P4HA1: variants seen among roughly 807,000 people sequenced by gnomAD.
P4HA1 encodes prolyl 4-hydroxylase subunit alpha 1, also known as prolyl 4-hydroxylase subunit alpha-1.
P4HA1 carries 24 observed loss-of-function variants against 72.8 expected under a neutral mutation model. The ratio of observed to expected loss-of-function variants is 0.33; its 90% CI spans 0.24 to 0.46. P4HA1 has a LOEUF of 0.46. Ranked by LOEUF, P4HA1 falls within the 20% of genes least tolerant of loss-of-function variation. The probability of loss-of-function intolerance (pLI) is 1.00; values close to 1 mark genes in which losing one functional copy is unlikely to be tolerated. For synonymous variants in P4HA1, 201 were observed against 218.8 expected (o/e 0.92, Z 0.72); for missense variants, 446 against 640.6 (o/e 0.70, Z 3.28).
At chr10:73,067,162 C>A (rs1269940914) in intron 5 of P4HA1, among the ~76,000 whole-genome samples, 1 of 152,116 alleles carries the variant, frequency 6.6e-6, no homozygotes, top group African/African-American at 2.4e-5. Flanking sequence ...AGCCACCATG[C>A]CAGCCCTATT....
At chr10:73,013,758 T>C (rs1337324065) in intron 12 of P4HA1, among the ~76,000 whole-genome samples, 1 of 152,178 alleles carries the variant, frequency 6.6e-6, no homozygotes, top group Non-Finnish European at 1.5e-5. Flanking sequence ...TGTAATATGC[T>C]ATTTCTTCAT....
chr10:73,084,728 A>C (rs543850574), intron 1 of P4HA1, among the ~76,000 whole-genome samples: 2 of 152,356 alleles, frequency 1.3e-5, no homozygotes, highest in East Asian at 3.9e-4. Context: ...CAATCACAGG[A>C]AACAATTTTA....
chr10:73,096,287 T>A (rs1842163381), intron 1 of P4HA1, among the ~76,000 whole-genome samples: 2 of 152,130 alleles, frequency 1.3e-5, no homozygotes, highest in Non-Finnish European at 2.9e-5. Flanking sequence ...GCGCTGCGGA[T>A]CCAGCTCCAA....
At position 73,030,285 on chromosome 10, in the gene P4HA1, CTG is replaced by C; in HGVS notation, c.1232_1233del (p.Thr411SerfsTer16). 3 of 1,538,122 alleles carry C rather than the reference CTG, an allele frequency of 2.0e-6. No homozygotes were observed. The highest frequency in any genetic ancestry group is 2.7e-6 in the Non-Finnish European group (3 of 1,125,720). On this transcript the variant is annotated frameshift_variant, in exon 10 of 15. Coordinates refer to ENST00000394890, the MANE Select transcript of P4HA1 (RefSeq NM_001017962.3). LOFTEE classifies it high-confidence loss of function. ...IQDLTGLDVS[T>X]AEELQVANYG... The stretch of plus-strand genomic sequence containing the variant: ...TGATTACCTACCTGTAATTCCTCTG[CTG>C]TGGAAACATCTAGTCCTGTTAGATC...
intron 10 of P4HA1, among the ~76,000 whole-genome samples, chr10:73,022,174 A>G (rs1049184317): frequency 6.6e-6 from 1 of 152,208 alleles, no homozygotes; most frequent in Non-Finnish European, 1.5e-5. Context: ...TCTGAGAACC[A>G]AAGACTGCCT....
intron 1 of P4HA1, among the ~76,000 whole-genome samples, chr10:73,092,472 C>T (rs1842056208): frequency 6.7e-6 from 1 of 150,358 alleles, no homozygotes; most frequent in South Asian, 2.1e-4. Flanking sequence ...ACCTCAGCCT[C>T]CCAAGTAGTT....
At chr10:73,035,229 T>C (rs1337843645) in intron 9 of P4HA1, among the ~76,000 whole-genome samples, 2 of 151,120 alleles carry the variant, frequency 1.3e-5, no homozygotes, top group Non-Finnish European at 2.9e-5. Flanking sequence ...TTTAAACTAC[T>C]GCTTTTAGAA....
At chr10:73,039,393 G>A (rs1372351642) in intron 9 of P4HA1, among the ~76,000 whole-genome samples, 1 of 151,998 alleles carries the variant, frequency 6.6e-6, no homozygotes, top group African/African-American at 2.4e-5. Context: ...TGCAAGCTCT[G>A]CCTCCTGGGT....
intron 10 of P4HA1, among the ~76,000 whole-genome samples, chr10:73,020,668 C>CA (rs1028204366): frequency 3.9e-5 from 6 of 152,014 alleles, no homozygotes; most frequent in Admixed American, 6.6e-5. Flanking sequence ...ACAAAATACT[C>CA]AAAAAAATAC....
At chr10:73,051,349 C>T (rs1841015196) in intron 6 of P4HA1, 100 bp from the exon 7 acceptor site, 9 of 664,540 alleles carry the variant, frequency 1.4e-5, no homozygotes, top group South Asian at 1.3e-4. Context: ...AATTTATCTT[C>T]CAAACCAGGT....
chr10:73,047,601 G>A (rs1840902822), intron 7 of P4HA1, among the ~76,000 whole-genome samples: 1 of 146,058 alleles, frequency 6.8e-6, no homozygotes, highest in South Asian at 2.2e-4. Flanking sequence ...ATAAAAAATG[G>A]ATAGCTCTGA....
chr10:73,088,671 G>A (rs1382316439), intron 1 of P4HA1, among the ~76,000 whole-genome samples: 1 of 152,172 alleles, frequency 6.6e-6, no homozygotes, highest in Non-Finnish European at 1.5e-5. Context: ...CCTGGGCAAG[G>A]GACTGCCCAG....
chr10:73,081,335 G>T (rs1841818798), intron 1 of P4HA1, among the ~76,000 whole-genome samples: 1 of 152,118 alleles, frequency 6.6e-6, no homozygotes, highest in Non-Finnish European at 1.5e-5. Context: ...GCAACAGTAT[G>T]AATAAGTTAT....
intron 1 of P4HA1, among the ~76,000 whole-genome samples, chr10:73,095,887 C>T (rs1416433284): frequency 6.6e-5 from 10 of 152,128 alleles, no homozygotes; most frequent in Non-Finnish European, 1.3e-4. Flanking sequence ...GTTATCATAC[C>T]ATCCTTCCTC....
In P4HA1 at chr10:73,033,051, T is replaced by C. The variant is rs1223965836; in HGVS notation, c.1149-2681A>G. 3.3e-5 allele frequency among the ~76,000 whole-genome samples: 5 copies of C among 151,666 alleles called. No homozygotes were observed. In the East Asian group the frequency reaches 9.7e-4, roughly 29 times the overall value. ...AAAGAATATAGCTGATTAAGTATAT[T>C]AAGAATTTTTTTCTTCTAATTCTGC... On this transcript the variant is annotated intron_variant, in intron 9 of 14. Transcript: ENST00000394890.
chr10:73,014,347 T>C, intron 11 of P4HA1, 58 bp from the exon 12 acceptor site: 2 of 1,210,524 alleles, frequency 1.7e-6, no homozygotes, highest in Non-Finnish European at 2.5e-6. Context: ...ACAAATACTC[T>C]AGTGGCAACT....
In P4HA1 at chr10:73,057,927, T is replaced by C. The variant is rs555596781; in HGVS notation, c.464-4337A>G. On this transcript the variant is annotated intron_variant, in intron 5 of 14. Coordinates refer to ENST00000394890, the MANE Select transcript of P4HA1 (RefSeq NM_001017962.3). ...CAACATGGCGAAAGGCCGTCTTTAC[T>C]AAAAATACAAAAAATTAGCCGGGCA... Among the ~76,000 whole-genome samples, 63 of 151,310 alleles carry C rather than the reference T, an allele frequency of 4.2e-4. 1 individual carries two copies. In the South Asian group the frequency reaches 7.7e-3, roughly 19 times the overall value.
chr10:73,092,890 G>A (rs1842065695), intron 1 of P4HA1, among the ~76,000 whole-genome samples: 1 of 151,728 alleles, frequency 6.6e-6, no homozygotes, highest in Non-Finnish European at 1.5e-5. Context: ...TGGGGCAGAT[G>A]GGAGAATCAC....
chr10:73,078,616 T>A (rs945312959), intron 1 of P4HA1, among the ~76,000 whole-genome samples: 28 of 141,224 alleles, frequency 2.0e-4, no homozygotes, highest in African/African-American at 7.2e-4. Context: ...TTTTTTTTTT[T>A]TTTTTTTTTT....
Sources: allele counts gnomAD v4.1 joint callset (sites outside exome capture counted in the v4.1 genomes callset), GRCh38; gene constraint gnomAD v4.1.1; transcripts MANE v1.5; gene names NCBI Gene and HGNC (gene_info 2026-07-23, HGNC 2026-07-21).